Variants in NUP188 observed in about 807,000 individuals in gnomAD.
NUP188 encodes the protein nucleoporin NUP188.
In NUP188, 97 loss-of-function variants were observed where a neutral mutation model predicts 223.0. The observed-to-expected ratio is 0.43, with a 90% CI of 0.37 to 0.51. The LOEUF is 0.51. Ranked by LOEUF, NUP188 falls within the 20% of genes least tolerant of loss-of-function variation. The probability of loss-of-function intolerance (pLI) is 0.00; values close to 1 mark genes in which losing one functional copy is unlikely to be tolerated. For missense variants in NUP188, 1,947 were observed against 2,175.6 expected, an observed-to-expected ratio of 0.89 and a Z score of 2.09; for synonymous variants, 869 against 828.0, an observed-to-expected ratio of 1.05 and a Z score of -0.85.
chr9:128,983,966 G>A (rs1842293364), intron 19 of NUP188, among the ~76,000 whole-genome samples: 1 of 151,236 alleles, frequency 6.6e-6, no homozygotes, highest in African/African-American at 2.4e-5. Flanking sequence ...GATTACAGAT[G>A]TGCGGCACCA....
intron 37 of NUP188, among the ~76,000 whole-genome samples, 164 bp from the exon 38 acceptor site, chr9:129,003,153 C>T (rs1225738363): frequency 6.6e-6 from 1 of 152,184 alleles, no homozygotes; most frequent in African/African-American, 2.4e-5. Flanking sequence ...TGCTGAAGGA[C>T]GGGAACGGTC....
chr9:128,993,539 G>T lies in NUP188; in HGVS notation c.2862G>T (p.Gly954=). The T allele has an allele frequency of 6.2e-7, 1 of 1,614,154 alleles. No individual in the cohort carries two copies. The highest frequency in any genetic ancestry group is 8.5e-7 in the Non-Finnish European group (1 of 1,180,026). The change falls in exon 27 of 44, where the codon GGG becomes GGT. Residue 954 remains glycine, a synonymous_variant. Transcript: ENST00000372577. ...GSDGSKEFSL[G]MWSCLHAVLE... ...CCTTCTTGCAGGAATTCAGCCTTGG[G>T]ATGTGGAGCTGTCTCCATGCAGTGC...
chr9:128,960,659 C>T (rs1841935345), intron 8 of NUP188, among the ~76,000 whole-genome samples: 1 of 152,116 alleles, frequency 6.6e-6, no homozygotes, highest in Admixed American at 6.6e-5. Flanking sequence ...TAAAAGAAGA[C>T]ATAACTGAGG....
At position 128,951,274 on chromosome 9, in the gene NUP188, T is replaced by C. The variant is rs200825063; in HGVS notation, c.88-1499T>C. 3.7e-5 allele frequency among the ~76,000 whole-genome samples: 5 copies of C among 136,856 alleles called. No individual in the cohort carries two copies. In the East Asian group the frequency reaches 8.4e-4, roughly 23 times the overall value. 89.8% of individuals were successfully genotyped at this position (136,856 alleles called of 152,430 possible). A position where few individuals can be genotyped will look rare whatever the true frequency, so the allele number is the denominator to read the frequency against. On this transcript the variant is annotated intron_variant, in intron 2 of 43. Coordinates refer to ENST00000372577, the MANE Select transcript of NUP188 (RefSeq NM_015354.3). ...GTGAGTCGAGATCGCGCAACTGTAC[T>C]CCAGCCTGGGTGACAAAGCGAGACT...
chr9:128,965,561 T>C (rs1842015986), intron 8 of NUP188, among the ~76,000 whole-genome samples: 1 of 152,172 alleles, frequency 6.6e-6, no homozygotes, highest in East Asian at 1.9e-4. Context: ...CAAGTGATTC[T>C]TGTGCCTCAG....
chr9:128,979,198 A>G (rs940658334), intron 12 of NUP188, 64 bp from the exon 13 acceptor site: 1 of 1,209,552 alleles, frequency 8.3e-7, no homozygotes, highest in Non-Finnish European at 1.2e-6. Context: ...AACAGAATAC[A>G]ATAATAAAGA....
rs561298362 is a variant in NUP188, at chr9:128,961,085, CA to C, written c.585+1969del. ...GGGGTGACAGAGCAAGACTCCGTCT[CA>C]AAAAAAAAAAAAAAAAACCATAAAA... On this transcript the variant is annotated intron_variant, in intron 8 of 43. Transcript: ENST00000372577. 9.7e-3 allele frequency among the ~76,000 whole-genome samples: 400 copies of C among 41,026 alleles called. 1 individual carries two copies. The highest frequency in any genetic ancestry group is 0.025 in the African/African-American group (263 of 10,604). 26.9% of individuals were successfully genotyped at this position (41,026 alleles called of 152,430 possible).
rs748906014 is a variant in NUP188, at chr9:128,995,464, C to T, written c.3301C>T (p.Gln1101Ter). 3 of 1,612,002 alleles carry T rather than the reference C, an allele frequency of 1.9e-6. No homozygotes were observed. The highest frequency in any genetic ancestry group is 1.1e-5 in the South Asian group (1 of 90,806). Residue 1101 changes from glutamine to a stop codon, truncating the protein, a stop_gained, in exon 30 of 44, where the codon CAG becomes TAG. Coordinates refer to ENST00000372577, the MANE Select transcript of NUP188 (RefSeq NM_015354.3). LOFTEE classifies it high-confidence loss of function. The stretch of plus-strand genomic sequence containing the variant: ...CAGCTGCACCTCCTTGTTAGAGTAC[C>T]AGATGCTGGTGTCCGCCTGGAGGAT... The part of the protein sequence containing the change: ...GSSCTSLLEY[Q>*]MLVSAWRMLL...
In NUP188 at chr9:128,987,572, A is replaced by T; in HGVS notation, c.2265-17A>T. The T allele has an allele frequency of 6.2e-7, 1 of 1,606,226 alleles. No homozygotes were observed. On this transcript the variant is annotated splice_polypyrimidine_tract_variant and intron_variant, in intron 22 of 43. Transcript: ENST00000372577. ...CTGAGTGGCTCCCTGGTAACTCAGA[A>T]TACCTCTGTCTTCCAGTCATACTCC...
intron 13 of NUP188, 39 bp from the exon 14 acceptor site, chr9:128,980,567 A>C (rs745856986): frequency 1.1e-5 from 17 of 1,575,984 alleles, no homozygotes; most frequent in Non-Finnish European, 1.2e-5. Context: ...TAATTTGTGG[A>C]TAATGTGAAG....
At chr9:128,998,468 C>A in intron 31 of NUP188, 70 bp from the exon 32 acceptor site, 1 of 1,351,054 alleles carries the variant, frequency 7.4e-7, no homozygotes, top group Non-Finnish European at 1.1e-6. Context: ...GGCAATGAGG[C>A]CGGAGGTGCC....
intron 13 of NUP188, 122 bp downstream of exon 13, chr9:128,979,449 A>G: frequency 1.6e-6 from 1 of 618,932 alleles, no homozygotes; most frequent in Non-Finnish European, 2.9e-6. Flanking sequence ...AAACGTATGA[A>G]GTAGATACTA....
chr9:128,986,605 G>A lies in NUP188; in HGVS notation c.2124G>A (p.Met708Ile). The stretch of plus-strand genomic sequence containing the variant: ...GCCAAGGACTTGTACCCTGTGTAAT[G>A]TTTGTGCTGAAGGAGATGCTTCCCA... ...TQSQGLVPCV[M>I]FVLKEMLPSY... The change falls in exon 21 of 44, where the codon ATG (methionine) becomes ATA (isoleucine). Residue 708 changes from methionine to isoleucine, a missense_variant. Met to Ile is a conservative substitution (Grantham distance 10). This residue lies in a region of NUP188 where 225 missense variants were observed against 319.1 expected (regional missense o/e 0.71). Transcript: ENST00000372577. 1.2e-6 allele frequency: 2 copies of A among 1,614,180 alleles called. No individual in the cohort carries two copies. The highest frequency in any genetic ancestry group is 2.2e-5 in the East Asian group (1 of 44,880).
At chr9:128,987,854 T>G in intron 23 of NUP188, 137 bp downstream of exon 23, 1 of 1,249,226 alleles carries the variant, frequency 8.0e-7, no homozygotes, top group South Asian at 1.4e-5. Flanking sequence ...TTACATACCC[T>G]AGTGGCTGCT....
chr9:129,005,808 C>T (rs1428964359), intron 41 of NUP188, 32 bp downstream of exon 41: 3 of 1,556,066 alleles, frequency 1.9e-6, no homozygotes, highest in Non-Finnish European at 2.6e-6. Context: ...CTGTCCTCTC[C>T]CCCCGGCTCC....
At chr9:128,952,356 G>A (rs920264127) in intron 2 of NUP188, among the ~76,000 whole-genome samples, 43 of 146,684 alleles carry the variant, frequency 2.9e-4, no homozygotes, top group Non-Finnish European at 5.6e-4. Context: ...CCAAGATTGC[G>A]CCACTGCACT....
At chr9:128,953,033 C>T (rs1242154434) in intron 3 of NUP188, 187 bp downstream of exon 3, 1 of 533,840 alleles carries the variant, frequency 1.9e-6, no homozygotes, top group Non-Finnish European at 3.4e-6. Context: ...AAGGAAATTC[C>T]TTCTAGAAAT....
At chr9:128,985,717 C>T (rs1487635811) in intron 20 of NUP188, among the ~76,000 whole-genome samples, 1 of 152,116 alleles carries the variant, frequency 6.6e-6, no homozygotes, top group Non-Finnish European at 1.5e-5. Context: ...TTCCTGCCTG[C>T]AGGAATCAAT....
intron 1 of NUP188, chr9:128,948,063 T>G: frequency 1.3e-4 from 34 of 265,266 alleles, no homozygotes; most frequent in East Asian, 2.5e-4. Context: ...CCACCCGCGC[T>G]TCCTTCTCCG....
Sources: gnomAD v4.1 joint callset for allele counts (sites outside exome capture counted in the v4.1 genomes callset) on GRCh38, gnomAD v4.1.1 for gene constraint, gnomAD v4.1.1 regional missense constraint, MANE v1.5 for transcripts, NCBI Gene and HGNC (gene_info 2026-07-23, HGNC 2026-07-21) for gene names.